SPPL3: variants seen among roughly 807,000 people sequenced by gnomAD.
SPPL3 encodes signal peptide peptidase like 3.
SPPL3 carries 5 observed loss-of-function variants against 42.4 expected under a neutral mutation model. The observed-to-expected ratio is 0.12, with a 90% CI of 0.06 to 0.25. The LOEUF (loss-of-function observed/expected upper bound fraction) is 0.25, where lower values mean the gene tolerates loss of function less well. Among genes scored for constraint, SPPL3 ranks in the 10% least tolerant of loss-of-function variants. The pLI is 1.00. For missense variants in SPPL3, 235 were observed against 489.0 expected, an observed-to-expected ratio of 0.48 and a Z score of 4.90; for synonymous variants, 195 against 181.8, an observed-to-expected ratio of 1.07 and a Z score of -0.58.
intron 1 of SPPL3, among the ~76,000 whole-genome samples, chr12:120,840,151 G>A (rs775938116): frequency 4.6e-5 from 7 of 151,634 alleles, no homozygotes; most frequent in Non-Finnish European, 7.4e-5. Flanking sequence ...GGGTGGCAGC[G>A]CCTGTAATCC....
intron 2 of SPPL3, among the ~76,000 whole-genome samples, chr12:120,808,628 C>T (rs1242388643): frequency 6.6e-6 from 1 of 152,162 alleles, no homozygotes; most frequent in Non-Finnish European, 1.5e-5. Context: ...GCTATCATCA[C>T]TGTAACAGTC....
intron 3 of SPPL3, among the ~76,000 whole-genome samples, chr12:120,790,633 T>C (rs947795890): frequency 1.6e-4 from 24 of 152,208 alleles, no homozygotes; most frequent in Non-Finnish European, 3.1e-4. Context: ...ATCTGACCCA[T>C]TGCTGCTCAC....
At chr12:120,858,806 T>C (rs2137040420) in intron 1 of SPPL3, among the ~76,000 whole-genome samples, 1 of 152,264 alleles carries the variant, frequency 6.6e-6, no homozygotes, top group Middle Eastern at 3.4e-3. Flanking sequence ...AGAATATCAC[T>C]AGTCTCTGAC....
At chr12:120,880,377 T>C (rs1488212297) in intron 1 of SPPL3, among the ~76,000 whole-genome samples, 1 of 152,076 alleles carries the variant, frequency 6.6e-6, no homozygotes, top group Non-Finnish European at 1.5e-5. Context: ...TTCATGGATG[T>C]GACACCAGAG....
intron 1 of SPPL3, among the ~76,000 whole-genome samples, chr12:120,900,908 T>G (rs997395988): frequency 2.4e-5 from 3 of 123,438 alleles, no homozygotes; most frequent in African/African-American, 6.4e-5. Context: ...GGCGAAAGAG[T>G]GAGACCCTGT....
chr12:120,784,080 C>T (rs978448325), intron 4 of SPPL3: 19 of 270,198 alleles, frequency 7.0e-5, no homozygotes, highest in African/African-American at 4.0e-4. Context: ...GCTGACAGTC[C>T]AATCACTTTG....
At chr12:120,776,335 AG>A (rs778646224) in intron 6 of SPPL3, among the ~76,000 whole-genome samples, 8 of 152,160 alleles carry the variant, frequency 5.3e-5, no homozygotes, top group Non-Finnish European at 8.8e-5. Flanking sequence ...TGGGGAAAAA[AG>A]TTTGTTCTTT....
chr12:120,837,052 T>C (rs1235754152), intron 1 of SPPL3, among the ~76,000 whole-genome samples: 1 of 152,160 alleles, frequency 6.6e-6, no homozygotes, highest in Non-Finnish European at 1.5e-5. Context: ...AATGGTGACA[T>C]TAAGCTACTA....
At position 120,851,769 on chromosome 12, in the gene SPPL3, A is replaced by G. The variant is rs563714509; in HGVS notation, c.24-40883T>C. 2.0e-5 allele frequency among the ~76,000 whole-genome samples: 3 copies of G among 152,062 alleles called. No homozygotes were observed. The South Asian group carries it at 6.2e-4, about 32-fold the overall frequency. On this transcript the variant is annotated intron_variant, in intron 1 of 10. Transcript: ENST00000353487. ...CAGGTGAGCGCTACCACACCTGGCT[A>G]ATTTTTGCATTTTTTGTAGAGACAG...
At chr12:120,766,146 G>A (rs1868895096) in intron 10 of SPPL3, 117 bp downstream of exon 10, 8 of 684,192 alleles carry the variant, frequency 1.2e-5, no homozygotes, top group East Asian at 3.6e-5. Context: ...ACACACAGTC[G>A]AGATCACAAG....
chr12:120,824,107 T>C (rs1871165286), intron 1 of SPPL3, among the ~76,000 whole-genome samples: 1 of 151,988 alleles, frequency 6.6e-6, no homozygotes, highest in Admixed American at 6.5e-5. Context: ...CCTGACCTTG[T>C]GATTTGCCCG....
intron 1 of SPPL3, among the ~76,000 whole-genome samples, chr12:120,872,136 GTATTGT>G (rs1872953226): frequency 6.6e-6 from 1 of 152,146 alleles, no homozygotes; most frequent in Non-Finnish European, 1.5e-5. Flanking sequence ...TTTTATCATT[GTATTGT>G]TATTATTTTC....
intron 1 of SPPL3, among the ~76,000 whole-genome samples, chr12:120,816,066 G>C (rs1234118324): frequency 6.6e-6 from 1 of 152,112 alleles, no homozygotes; most frequent in Non-Finnish European, 1.5e-5. Context: ...CTCCCTGACA[G>C]ATCTTCTGTG....
chr12:120,796,821 T>G (rs1870113428), intron 2 of SPPL3, among the ~76,000 whole-genome samples: 1 of 152,196 alleles, frequency 6.6e-6, no homozygotes, highest in African/African-American at 2.4e-5. Flanking sequence ...CTTCTAATCC[T>G]TTCACATTAT....
rs920703540 is a variant in SPPL3, at chr12:120,844,825, C to T, written c.24-33939G>A. On this transcript the variant is annotated intron_variant, in intron 1 of 10. Transcript: ENST00000353487. ...GGCCAAGGGCCCACGGGCCTACATC[C>T]CCTCTCAGCACTGAACAGAAAGTTG... 2.0e-5 allele frequency among the ~76,000 whole-genome samples: 3 copies of T among 151,928 alleles called. No individual in the cohort carries two copies. In the East Asian group the frequency reaches 5.8e-4, roughly 29 times the overall value.
At chr12:120,879,607 G>A (rs1030952128) in intron 1 of SPPL3, among the ~76,000 whole-genome samples, 30 of 152,002 alleles carry the variant, frequency 2.0e-4, no homozygotes, top group African/African-American at 6.8e-4. Flanking sequence ...CCAAGAGAGG[G>A]ATTTAATATG....
chr12:120,889,363 C>T (rs1873561370), intron 1 of SPPL3, among the ~76,000 whole-genome samples: 1 of 152,176 alleles, frequency 6.6e-6, no homozygotes, highest in African/African-American at 2.4e-5. Flanking sequence ...GCAGTTCTTC[C>T]CACTAATGGG....
chr12:120,828,591 A>T (rs957776372), intron 1 of SPPL3, among the ~76,000 whole-genome samples: 5 of 152,226 alleles, frequency 3.3e-5, no homozygotes, highest in South Asian at 2.1e-4. Context: ...GGGGAAAAAA[A>T]GTTGGAGGAT....
intron 1 of SPPL3, among the ~76,000 whole-genome samples, chr12:120,823,934 A>G (rs1049213104): frequency 3.3e-5 from 5 of 150,958 alleles, no homozygotes; most frequent in African/African-American, 1.2e-4. Context: ...GCAGTGGCGC[A>G]ATCTCAGCTC....
Sources: allele counts gnomAD v4.1 joint callset (sites outside exome capture counted in the v4.1 genomes callset), GRCh38; gene constraint gnomAD v4.1.1; transcripts MANE v1.5; gene names NCBI Gene and HGNC (gene_info 2026-07-23, HGNC 2026-07-21).